ARHGEF4: variants seen among roughly 807,000 people sequenced by gnomAD.
ARHGEF4 encodes APC-stimulated guanine nucleotide exchange factor 1.
Under a neutral mutation model 162.0 loss-of-function variants are expected in ARHGEF4, and 119 were observed. That is an observed-to-expected ratio of 0.73 (90% CI 0.63 to 0.86). The LOEUF (loss-of-function observed/expected upper bound fraction) is 0.86. Ranked by LOEUF, ARHGEF4 falls within the 40% of genes least tolerant of loss-of-function variation. The probability of loss-of-function intolerance (pLI) is 0.00; values close to 1 mark genes in which losing one functional copy is unlikely to be tolerated. For missense variants in ARHGEF4, 2,488 were observed against 2,456.0 expected (o/e 1.01, Z -0.28); for synonymous variants, 1,014 against 979.9 (o/e 1.03, Z -0.65).
chr2:130,903,351 C>T (rs928449434), intron 1 of ARHGEF4, among the ~76,000 whole-genome samples: 5 of 151,832 alleles, frequency 3.3e-5, no homozygotes, highest in Admixed American at 6.6e-5. Context: ...CTCTCCCTCC[C>T]GGGGTTCAAG....
chr2:131,033,247 G>T (rs1052455649), intron 5 of ARHGEF4, among the ~76,000 whole-genome samples: 1 of 152,240 alleles, frequency 6.6e-6, no homozygotes, highest in Non-Finnish European at 1.5e-5. Context: ...AGCTCTCTGG[G>T]ATATAGAGGC....
intron 10 of ARHGEF4, among the ~76,000 whole-genome samples, chr2:131,042,546 G>A (rs548697652): frequency 6.6e-6 from 1 of 152,068 alleles, no homozygotes; most frequent in African/African-American, 2.4e-5. Context: ...TGCACCAGCT[G>A]TCAGCGAGAG....
intron 4 of ARHGEF4, among the ~76,000 whole-genome samples, chr2:130,984,582 G>T (rs1381316446): frequency 2.0e-5 from 3 of 151,648 alleles, no homozygotes; most frequent in African/African-American, 2.4e-5. Flanking sequence ...CCAGCTACTC[G>T]GGAGGCTGAG....
Position 130,894,391 on chromosome 2 carries a change from G to A in ARHGEF4, c.40-19595G>A, listed in dbSNP as rs566358953. ...ATTTGAGGTTTCGTCAAGAAGACAA[G>A]GACTGTTGAAGAGTTCAGAGCCCCT... On this transcript the variant is annotated intron_variant, in intron 1 of 13. Coordinates refer to ENST00000409359, the MANE Select transcript of ARHGEF4 (RefSeq NM_001367493.1). Among the ~76,000 whole-genome samples, 9 of 152,136 alleles carry A rather than the reference G, an allele frequency of 5.9e-5. No individual in the cohort carries two copies. The South Asian group carries it at 1.9e-3, about 32-fold the overall frequency.
At chr2:130,984,111 A>G (rs747420628) in intron 4 of ARHGEF4, among the ~76,000 whole-genome samples, 1 of 152,228 alleles carries the variant, frequency 6.6e-6, no homozygotes, top group Non-Finnish European at 1.5e-5. Context: ...CTGGTTTTAC[A>G]TGGTTACACT....
At chr2:130,887,681 C>A (rs1679602631) in intron 1 of ARHGEF4, among the ~76,000 whole-genome samples, 1 of 152,008 alleles carries the variant, frequency 6.6e-6, no homozygotes, top group Non-Finnish European at 1.5e-5. Context: ...CAAAAGTGTC[C>A]ATTTTAGCAG....
At chr2:130,871,829 C>T (rs1180233407) in intron 1 of ARHGEF4, among the ~76,000 whole-genome samples, 1 of 152,160 alleles carries the variant, frequency 6.6e-6, no homozygotes, top group Non-Finnish European at 1.5e-5. Context: ...TTTCTTAACT[C>T]TTGCCAGTGG....
chr2:130,942,277 G>A (rs986535299), intron 3 of ARHGEF4, among the ~76,000 whole-genome samples: 1 of 151,424 alleles, frequency 6.6e-6, no homozygotes, highest in African/African-American at 2.4e-5. Context: ...AGCCTCCTGA[G>A]TAGCTGGGAC....
At chr2:130,960,124 AC>A (rs1157589248) in intron 4 of ARHGEF4, among the ~76,000 whole-genome samples, 2 of 152,158 alleles carry the variant, frequency 1.3e-5, no homozygotes, top group East Asian at 3.8e-4. Flanking sequence ...GATTGCATAT[AC>A]AATGGTGGTC....
chr2:131,020,313 A>G (rs1324796879), intron 4 of ARHGEF4, among the ~76,000 whole-genome samples: 3 of 148,546 alleles, frequency 2.0e-5, no homozygotes, highest in South Asian at 4.5e-4. Context: ...AACATTAGGT[A>G]TATCTCCTAA....
intron 4 of ARHGEF4, among the ~76,000 whole-genome samples, chr2:131,019,380 G>A (rs1407499490): frequency 1.3e-5 from 2 of 151,904 alleles, no homozygotes; most frequent in African/African-American, 4.8e-5. Flanking sequence ...CCATTGCACT[G>A]CAGCCTGGGC....
At chr2:130,906,471 T>C (rs1472282439) in intron 1 of ARHGEF4, among the ~76,000 whole-genome samples, 1 of 152,238 alleles carries the variant, frequency 6.6e-6, no homozygotes, top group Non-Finnish European at 1.5e-5. Context: ...AGTTACCTGA[T>C]ATCTGATATC....
Position 131,046,401 on chromosome 2 carries a change from A to G in ARHGEF4, c.*212A>G. Reference sequence around the variant, plus strand: ...CCTGAAGAGACCAGCAAGGGGGCAGACCCCGCACTCGCCACACCGCCGCTG... The same window carrying G: ...CCTGAAGAGACCAGCAAGGGGGCAGGCCCCGCACTCGCCACACCGCCGCTG... On this transcript the variant is annotated 3_prime_UTR_variant, in exon 14 of 14. Transcript: ENST00000409359. 1.7e-6 allele frequency: 1 copy of G among 573,758 alleles called. No homozygotes were observed. Among genetic ancestry groups the G allele is most frequent in the East Asian group, 3.0e-5 (1 of 33,720 alleles). The allele number at this position is 573,758 out of a possible 1,614,324, so 35.5% of individuals were successfully genotyped here.
In ARHGEF4 at chr2:130,851,395, A is replaced by G. The variant is rs541283205; in HGVS notation, c.39+14403A>G. Among the ~76,000 whole-genome samples the G allele has an allele frequency of 2.2e-3, 336 of 152,364 alleles. 2 individuals carry two copies. The highest frequency in any genetic ancestry group is 0.014 in the Middle Eastern group (4 of 294). On this transcript the variant is annotated intron_variant, in intron 1 of 13. Coordinates refer to ENST00000409359, the MANE Select transcript of ARHGEF4 (RefSeq NM_001367493.1). The stretch of plus-strand genomic sequence containing the variant: ...ACTGTTGTGTCTTCTCAGAGGAAGG[A>G]AGCTCACATCTTCCCATGAGACAGG...
At chr2:130,873,506 T>C (rs992204139) in intron 1 of ARHGEF4, among the ~76,000 whole-genome samples, 13 of 131,588 alleles carry the variant, frequency 9.9e-5, no homozygotes, top group Admixed American at 3.1e-4. Context: ...GGAGAATCAC[T>C]TGAACCTGGG....
At chr2:131,015,597 A>C (rs1240276649) in intron 4 of ARHGEF4, among the ~76,000 whole-genome samples, 1 of 152,240 alleles carries the variant, frequency 6.6e-6, no homozygotes, top group Non-Finnish European at 1.5e-5. Context: ...TTTTTAAAAA[A>C]CAAAAGCTAG....
At chr2:130,875,803 T>G (rs1199840463) in intron 1 of ARHGEF4, among the ~76,000 whole-genome samples, 7 of 152,050 alleles carry the variant, frequency 4.6e-5, no homozygotes, top group Admixed American at 4.6e-4. Flanking sequence ...CCCTCCCGGC[T>G]CCCACACTTG....
chr2:131,041,683 A>G, intron 9 of ARHGEF4, 132 bp from the exon 10 acceptor site: 8 of 1,301,930 alleles, frequency 6.1e-6, no homozygotes, highest in South Asian at 5.6e-5. Context: ...GGGGCTGTGC[A>G]TCTGATAGTG....
intron 1 of ARHGEF4, among the ~76,000 whole-genome samples, chr2:130,857,399 GAA>G (rs1491392944): frequency 1.0e-5 from 1 of 98,260 alleles, no homozygotes. Context: ...TACACACAAA[GAA>G]GAGAGTAGCG....
Sources: gnomAD v4.1 joint callset for allele counts (sites outside exome capture counted in the v4.1 genomes callset) on GRCh38, gnomAD v4.1.1 for gene constraint, MANE v1.5 for transcripts, NCBI Gene and HGNC (gene_info 2026-07-23, HGNC 2026-07-21) for gene names.